Variants in ROBO1 observed in about 807,000 individuals in gnomAD.
ROBO1 encodes the protein roundabout guidance receptor 1.
ROBO1 carries 149 observed loss-of-function variants against 195.9 expected under a neutral mutation model. The ratio of observed to expected loss-of-function variants is 0.76; its 90% CI spans 0.67 to 0.87. ROBO1 has a LOEUF of 0.87. Among genes scored for constraint, ROBO1 ranks in the 40% least tolerant of loss-of-function variants. ROBO1 has a pLI of 0.00. For synonymous variants in ROBO1, 816 were observed against 733.2 expected (o/e 1.11, Z -1.82); for missense variants, 1,933 against 2,068.3 (o/e 0.93, Z 1.27).
chr3:78,902,638 T>C (rs892772144), intron 4 of ROBO1, among the ~76,000 whole-genome samples: 1 of 151,800 alleles, frequency 6.6e-6, no homozygotes, highest in South Asian at 2.1e-4. Context: ...AGGTCAGGAG[T>C]TTGAGACCAG....
chr3:78,665,004 C>G (rs1245536008), intron 14 of ROBO1, among the ~76,000 whole-genome samples: 1 of 152,184 alleles, frequency 6.6e-6, no homozygotes, highest in African/African-American at 2.4e-5. Context: ...ATACGGCAGT[C>G]TCTTAAAATG....
intron 25 of ROBO1, among the ~76,000 whole-genome samples, chr3:78,628,028 A>G (rs979306870): frequency 2.0e-5 from 3 of 150,312 alleles, no homozygotes; most frequent in Non-Finnish European, 4.4e-5. Context: ...ATCTCAGCTC[A>G]ACGCAACCTC....
chr3:79,141,974 T>A (rs531577922), intron 2 of ROBO1, among the ~76,000 whole-genome samples: 4 of 152,010 alleles, frequency 2.6e-5, no homozygotes, highest in Non-Finnish European at 5.9e-5. Context: ...ACATTTGTGG[T>A]TTTTTTTGTG....
intron 4 of ROBO1, among the ~76,000 whole-genome samples, chr3:78,772,906 T>C (rs183116760): frequency 6.6e-6 from 1 of 152,220 alleles, no homozygotes; most frequent in East Asian, 1.9e-4. Context: ...ATCCTAGGTT[T>C]GTCTGATGTC....
intron 18 of ROBO1, among the ~76,000 whole-genome samples, chr3:78,652,966 A>C (rs1267336859): frequency 1.3e-5 from 2 of 152,182 alleles, no homozygotes; most frequent in Non-Finnish European, 2.9e-5. Flanking sequence ...CCCACTGTGC[A>C]GAATTCCCAC....
chr3:79,321,884 AT>A (rs1407657891), intron 2 of ROBO1, among the ~76,000 whole-genome samples: 1 of 152,200 alleles, frequency 6.6e-6, no homozygotes, highest in East Asian at 1.9e-4. Flanking sequence ...ATTATTGCTC[AT>A]ACTTATTAGC....
intron 3 of ROBO1, among the ~76,000 whole-genome samples, chr3:79,006,087 T>TTCTTA (rs1199287613): frequency 6.6e-6 from 1 of 152,082 alleles, no homozygotes; most frequent in African/African-American, 2.4e-5. Flanking sequence ...ATAATTTCTC[T>TTCTTA]TCTTATTCAA....
At chr3:79,108,275 G>A (rs751280145) in intron 3 of ROBO1, among the ~76,000 whole-genome samples, 9 of 151,534 alleles carry the variant, frequency 5.9e-5, no homozygotes, top group Admixed American at 2.0e-4. Flanking sequence ...ACAGTTACTC[G>A]TATAAAAATG....
intron 4 of ROBO1, among the ~76,000 whole-genome samples, chr3:78,873,235 T>G (rs1339525804): frequency 6.6e-6 from 1 of 152,158 alleles, no homozygotes. Flanking sequence ...TTTCCTCCTT[T>G]GTCTCTCCAA....
At chr3:78,613,072 T>C (rs1703912243) in intron 28 of ROBO1, among the ~76,000 whole-genome samples, 1 of 152,226 alleles carries the variant, frequency 6.6e-6, no homozygotes, top group Non-Finnish European at 1.5e-5. Context: ...ACAGACAATT[T>C]TCAAGCATAG....
intron 29 of ROBO1, among the ~76,000 whole-genome samples, chr3:78,604,543 A>C (rs2107266353): frequency 6.6e-6 from 1 of 152,310 alleles, no homozygotes; most frequent in East Asian, 1.9e-4. Flanking sequence ...AAAATAAGTA[A>C]GTTTTTCAAG....
intron 4 of ROBO1, among the ~76,000 whole-genome samples, chr3:78,820,422 T>C (rs2030767404): frequency 6.6e-6 from 1 of 152,186 alleles, no homozygotes; most frequent in Non-Finnish European, 1.5e-5. Flanking sequence ...CTAGGAAATG[T>C]CAAGGCCTGG....
At chr3:79,455,520 A>T (rs948479840) in intron 2 of ROBO1, among the ~76,000 whole-genome samples, 1 of 152,158 alleles carries the variant, frequency 6.6e-6, no homozygotes, top group African/African-American at 2.4e-5. Flanking sequence ...TGAAGTGTTT[A>T]AAGGAGACAT....
intron 4 of ROBO1, among the ~76,000 whole-genome samples, chr3:78,866,213 A>C (rs1181687923): frequency 6.6e-6 from 1 of 152,246 alleles, no homozygotes; most frequent in Non-Finnish European, 1.5e-5. Context: ...AGACAACAAT[A>C]TTACAAAATT....
At chr3:79,382,543 GATA>G (rs1317829139) in intron 2 of ROBO1, among the ~76,000 whole-genome samples, 1 of 152,112 alleles carries the variant, frequency 6.6e-6, no homozygotes, top group East Asian at 1.9e-4. Context: ...GATATAATCT[GATA>G]ATATTGAATA....
At chr3:79,182,570 T>TGTGTGCGC (rs779706587) in intron 2 of ROBO1, among the ~76,000 whole-genome samples, 1 of 149,924 alleles carries the variant, frequency 6.7e-6, no homozygotes, top group African/African-American at 2.5e-5. Context: ...TGTGTGTGTG[T>TGTGTGCGC]GCGTGCGTGC....
chr3:79,303,004 A>T (rs1359946059), intron 2 of ROBO1, among the ~76,000 whole-genome samples: 2 of 152,158 alleles, frequency 1.3e-5, no homozygotes, highest in Admixed American at 1.3e-4. Context: ...GAAAGTACAT[A>T]GCTCAATTTT....
intron 2 of ROBO1, among the ~76,000 whole-genome samples, chr3:79,481,818 T>C (rs975917805): frequency 2.0e-5 from 3 of 152,170 alleles, no homozygotes; most frequent in African/African-American, 7.2e-5. Context: ...TTAAAAGGAA[T>C]GTGCTATATT....
rs1228610899 is a variant in ROBO1, at chr3:79,552,314, G to GT, written c.88+37509dup. On this transcript the variant is annotated intron_variant, in intron 2 of 30. Transcript: ENST00000464233. The stretch of plus-strand genomic sequence containing the variant: ...CACACATTTTCTTATATGATTCAAG[G>GT]TTTTTTTCAGTTTCATATGTTAGAT... 5.3e-5 allele frequency among the ~76,000 whole-genome samples: 8 copies of GT among 151,894 alleles called. No homozygotes were observed. In the South Asian group the frequency reaches 1.0e-3, roughly 20 times the overall value.
Sources: gnomAD v4.1 joint callset for allele counts (sites outside exome capture counted in the v4.1 genomes callset) on GRCh38, gnomAD v4.1.1 for gene constraint, MANE v1.5 for transcripts, NCBI Gene and HGNC (gene_info 2026-07-23, HGNC 2026-07-21) for gene names.